Variants in OCIAD2 observed in about 807,000 individuals in gnomAD.
The protein encoded by OCIAD2 is OCIA domain-containing protein 2.
A neutral mutation model predicts 22.9 loss-of-function variants in OCIAD2; 29 were observed. The observed-to-expected ratio is 1.27, with a 90% CI of 0.94 to 1.73. The LOEUF is 1.73. Among genes scored for constraint, OCIAD2 ranks in the 40% most tolerant of loss-of-function variants. The pLI is 0.00. For missense variants in OCIAD2, 189 were observed against 180.3 expected, an observed-to-expected ratio of 1.05 and a Z score of -0.28; for synonymous variants, 67 against 60.2, an observed-to-expected ratio of 1.11 and a Z score of -0.52.
intron 6 of OCIAD2, among the ~76,000 whole-genome samples, chr4:48,890,508 C>T (rs974948208): frequency 6.6e-6 from 1 of 152,080 alleles, no homozygotes; most frequent in African/African-American, 2.4e-5. Context: ...CATATGTGCA[C>T]ATATATATAC....
chr4:48,888,686 C>T (rs1781068898), intron 6 of OCIAD2, among the ~76,000 whole-genome samples: 1 of 152,100 alleles, frequency 6.6e-6, no homozygotes, highest in Non-Finnish European at 1.5e-5. Flanking sequence ...GGGATGAAGC[C>T]CACTTGATCA....
chr4:48,906,501 C>G (rs1240453583), intron 1 of OCIAD2, among the ~76,000 whole-genome samples, 157 bp downstream of exon 1: 2 of 152,226 alleles, frequency 1.3e-5, no homozygotes, highest in Admixed American at 1.3e-4. Flanking sequence ...AGCTCCCCAG[C>G]CCCTCGCCCG....
At chr4:48,893,911 G>T in intron 5 of OCIAD2, 95 bp downstream of exon 5, 1 of 596,646 alleles carries the variant, frequency 1.7e-6, no homozygotes, top group South Asian at 3.7e-5. Flanking sequence ...CGAACTCCTG[G>T]ACTCAAGCAA....
At chr4:48,899,978 C>G (rs1382315707) in intron 2 of OCIAD2, 53 bp from the exon 3 acceptor site, 1 of 1,334,110 alleles carries the variant, frequency 7.5e-7, no homozygotes, top group Non-Finnish European at 1.1e-6. Flanking sequence ...AAATCACCCA[C>G]TTTGTTTTCT....
At position 48,898,616 on chromosome 4, in the gene OCIAD2, C is replaced by G. The variant is rs1488737708; in HGVS notation, c.164-759G>C. On this transcript the variant is annotated intron_variant, in intron 3 of 6. Coordinates refer to ENST00000508632, the MANE Select transcript of OCIAD2 (RefSeq NM_001014446.3). ...AGGAGTCATACGTTACACATACTCT[C>G]CTATGTGCTTTAGTCTAGGACAGTT... Among the ~76,000 whole-genome samples the G allele has an allele frequency of 2.0e-5, 3 of 152,286 alleles. No individual in the cohort carries two copies. In the East Asian group the frequency reaches 5.8e-4, roughly 29 times the overall value.
intron 6 of OCIAD2, among the ~76,000 whole-genome samples, chr4:48,888,318 T>A (rs1335692852): frequency 6.6e-6 from 1 of 152,222 alleles, no homozygotes; most frequent in East Asian, 1.9e-4. Context: ...CCTAATTGAA[T>A]ACCCTTTATT....
At chr4:48,887,814 A>G (rs751557829) in intron 6 of OCIAD2, among the ~76,000 whole-genome samples, 11 of 152,244 alleles carry the variant, frequency 7.2e-5, no homozygotes, top group African/African-American at 1.4e-4. Context: ...TTGACTTGGC[A>G]ATGCGGGCTC....
In OCIAD2 at chr4:48,885,323, CGCTTAGTTCACTTGAAA is replaced by C. The variant is rs2109661108; in HGVS notation, c.*144_*160del. On this transcript the variant is annotated 3_prime_UTR_variant, in exon 7 of 7. Coordinates refer to ENST00000508632, the MANE Select transcript of OCIAD2 (RefSeq NM_001014446.3). ...TCTTAAAGAGCAGAAAAACATGTAACGCTTAGTTCACTTGAAAGCCTTCCACGGAATACATTTCAGTG... is the reference window on the plus strand; with the variant it reads ...TCTTAAAGAGCAGAAAAACATGTAACGCCTTCCACGGAATACATTTCAGTG... The C allele has an allele frequency of 1.8e-6, 1 of 567,198 alleles. No individual in the cohort carries two copies. The highest frequency in any genetic ancestry group is 2.0e-5 in the African/African-American group (1 of 49,434). The allele number at this position is 567,198 out of a possible 1,614,324, so 35.1% of individuals were successfully genotyped here. A position where few individuals can be genotyped will look rare whatever the true frequency, so the allele number is the denominator to read the frequency against.
In OCIAD2 at chr4:48,885,293, C is replaced by A; in HGVS notation, c.*191G>T. 1.8e-6 allele frequency: 1 copy of A among 556,674 alleles called. No individual in the cohort carries two copies. The highest frequency in any genetic ancestry group is 3.1e-6 in the Non-Finnish European group (1 of 317,714). The allele number at this position is 556,674 out of a possible 1,614,324, so 34.5% of individuals were successfully genotyped here. On this transcript the variant is annotated 3_prime_UTR_variant, in exon 7 of 7. Transcript: ENST00000508632. ...CATGAGCCACTGCGCCATGCCCCGA[C>A]ATGTTCTTAAAGAGCAGAAAAACAT...
intron 2 of OCIAD2, among the ~76,000 whole-genome samples, chr4:48,901,136 T>A (rs1301164257): frequency 2.0e-5 from 3 of 152,094 alleles, no homozygotes; most frequent in African/African-American, 7.2e-5. Flanking sequence ...AATAGCACTG[T>A]TTTATATATT....
chr4:48,901,515 T>C (rs1340267643), intron 2 of OCIAD2, among the ~76,000 whole-genome samples: 1 of 89,078 alleles, frequency 1.1e-5, no homozygotes, highest in Non-Finnish European at 2.4e-5. Context: ...CTTGGAATTA[T>C]CCAGTTTTCT....
In OCIAD2 at chr4:48,892,817, A is replaced by T; in HGVS notation, c.338T>A (p.Phe113Tyr). The change falls in exon 6 of 7, where the codon TTT becomes TAT. Residue 113 changes from phenylalanine (F) to tyrosine (Y), a missense_variant. Phe to Tyr is a conservative substitution (Grantham distance 22). Coordinates refer to ENST00000508632, the MANE Select transcript of OCIAD2 (RefSeq NM_001014446.3). ...IGVCQSKFHF[F>Y]EDQLRGAGFG... ...ACCAGCCCCACGGAGCTGATCTTCA[A>T]AAAAATGGAATTTACTCTGGCATAC... 6.2e-7 allele frequency: 1 copy of T among 1,613,276 alleles called. No individual in the cohort carries two copies. Among genetic ancestry groups the T allele is most frequent in the Non-Finnish European group, 8.5e-7 (1 of 1,179,540 alleles).
At chr4:48,890,293 G>A (rs1781131654) in intron 6 of OCIAD2, among the ~76,000 whole-genome samples, 1 of 151,828 alleles carries the variant, frequency 6.6e-6, no homozygotes, top group African/African-American at 2.4e-5. Flanking sequence ...CTTGGTTTAT[G>A]ACCCCCAGAA....
At chr4:48,896,010 C>CGACAGAGT (rs1781293605) in intron 4 of OCIAD2, among the ~76,000 whole-genome samples, 1 of 152,114 alleles carries the variant, frequency 6.6e-6, no homozygotes, top group South Asian at 2.1e-4. Context: ...CCAGCCGGAG[C>CGACAGAGT]GACAGAGTGA....
At chr4:48,889,609 G>C (rs1468851289) in intron 6 of OCIAD2, among the ~76,000 whole-genome samples, 2 of 152,210 alleles carry the variant, frequency 1.3e-5, no homozygotes, top group Non-Finnish European at 2.9e-5. Context: ...GGAAACAACA[G>C]GTGCTGGAGA....
At position 48,891,667 on chromosome 4, in the gene OCIAD2, A is replaced by G. The variant is rs1015448359; in HGVS notation, c.383+1105T>C. Among the ~76,000 whole-genome samples the G allele has an allele frequency of 2.0e-5, 3 of 152,222 alleles. No homozygotes were observed. The South Asian group carries it at 6.2e-4, about 32-fold the overall frequency. On this transcript the variant is annotated intron_variant, in intron 6 of 6. Transcript: ENST00000508632. ...AGCAGTCCTTTCCTTTACTTGTGCT[A>G]CTTTTTCTTTCTTTTCCTGCACAGA...
chr4:48,904,373 C>T, intron 2 of OCIAD2, 111 bp downstream of exon 2: 2 of 928,050 alleles, frequency 2.2e-6, no homozygotes, highest in East Asian at 2.4e-5. Context: ...TCACTTAATC[C>T]AGCAGTTCGA....
intron 6 of OCIAD2, among the ~76,000 whole-genome samples, chr4:48,890,976 C>T (rs1029108460): frequency 6.6e-6 from 1 of 152,130 alleles, no homozygotes; most frequent in African/African-American, 2.4e-5. Context: ...AGGAGCTGAC[C>T]TCTACCTGCC....
chr4:48,890,610 G>C (rs995260293), intron 6 of OCIAD2, among the ~76,000 whole-genome samples: 1 of 152,128 alleles, frequency 6.6e-6, no homozygotes, highest in African/African-American at 2.4e-5. Context: ...GGATACCAAG[G>C]AAAATGCACA....
Sources: gnomAD v4.1 joint callset for allele counts (sites outside exome capture counted in the v4.1 genomes callset) on GRCh38, gnomAD v4.1.1 for gene constraint, MANE v1.5 for transcripts, NCBI Gene and HGNC (gene_info 2026-07-23, HGNC 2026-07-21) for gene names.